MAP3K1: variants seen among roughly 807,000 people sequenced by gnomAD.
MAP3K1 encodes the protein mitogen-activated protein kinase kinase kinase 1.
In MAP3K1, 36 loss-of-function variants were observed where a neutral mutation model predicts 144.2. The ratio of observed to expected loss-of-function variants is 0.25; its 90% CI spans 0.19 to 0.33. MAP3K1 has a LOEUF of 0.33. MAP3K1 is among the 10% of genes least tolerant of loss of function. MAP3K1 has a pLI of 1.00. For synonymous variants in MAP3K1, 718 were observed against 688.7 expected (o/e 1.04, Z -0.67); for missense variants, 1,650 against 1,881.9 (o/e 0.88, Z 2.28).
chr5:56,827,954 G>A (rs1263381718), intron 1 of MAP3K1, among the ~76,000 whole-genome samples: 1 of 151,960 alleles, frequency 6.6e-6, no homozygotes, highest in African/African-American at 2.4e-5. Flanking sequence ...TGAATTTCTT[G>A]TCTCTAAAAT....
At chr5:56,875,483 T>G (rs896982460) in intron 10 of MAP3K1, among the ~76,000 whole-genome samples, 173 bp downstream of exon 10, 2 of 152,202 alleles carry the variant, frequency 1.3e-5, no homozygotes, top group Non-Finnish European at 2.9e-5. Flanking sequence ...TTATTTGAAT[T>G]TTACTGATTT....
Position 56,859,899 on chromosome 5 carries a change from G to C in MAP3K1, c.818G>C (p.Arg273Thr). Residue 273 changes from arginine to threonine, a missense_variant, in exon 3 of 20, where the codon AGA becomes ACA. By Grantham distance (71) the Arg-to-Thr change is moderately conservative (BLOSUM62 -1). Around this residue, in one of 6 missense-constraint regions of MAP3K1, gnomAD observed 148 missense variants for 177.2 expected, o/e 0.84. Transcript: ENST00000399503. ...GAATCTCCAGGAGTAAGGAGAAAAA[G>C]AGTTTCCCCAGTGCCTGTAAGTTAA... Reference protein sequence around the residue: ...KSESPGVRRKRVSPVPFQSGR... With the variant: ...KSESPGVRRKTVSPVPFQSGR... 1 of 1,612,546 alleles carries C rather than the reference G, an allele frequency of 6.2e-7. No homozygotes were observed. Among genetic ancestry groups the C allele is most frequent in the East Asian group, 2.2e-5 (1 of 44,818 alleles).
At chr5:56,844,249 A>G (rs1019232287) in intron 1 of MAP3K1, among the ~76,000 whole-genome samples, 2 of 123,772 alleles carry the variant, frequency 1.6e-5, no homozygotes, top group Non-Finnish European at 3.1e-5. Context: ...GAGGGATCTC[A>G]GCTCACTGCA....
At chr5:56,877,307 C>T (rs529329011) in intron 10 of MAP3K1, among the ~76,000 whole-genome samples, 14 of 152,046 alleles carry the variant, frequency 9.2e-5, no homozygotes, top group Admixed American at 6.6e-4. Context: ...TTGTACACAC[C>T]GTAACTGCCT....
intron 6 of MAP3K1, among the ~76,000 whole-genome samples, chr5:56,867,314 A>C (rs1275437144): frequency 1.3e-5 from 2 of 152,230 alleles, no homozygotes; most frequent in Non-Finnish European, 2.9e-5. Flanking sequence ...CTGTACATAC[A>C]TAGATAGATT....
chr5:56,881,542 T>C lies in MAP3K1; in HGVS notation c.2370-28T>C, dbSNP rs114561358. 20,298 of 1,533,350 alleles carry C rather than the reference T, an allele frequency of 0.013. 214 individuals are homozygous for C. The highest frequency in any genetic ancestry group is 0.014 in the Non-Finnish European group (15,290 of 1,108,234). The allele number at this position is 1,533,350 out of a possible 1,614,324, so 95.0% of individuals were successfully genotyped here. On this transcript the variant is annotated intron_variant, in intron 13 of 19. Coordinates refer to ENST00000399503, the MANE Select transcript of MAP3K1 (RefSeq NM_005921.2). ...TGTATTTTTCAGTAATTGGAACTTA[T>C]ATGGTAATGAATGTTTTTTTCTTTC...
chr5:56,884,182 G>T (rs912674544), intron 15 of MAP3K1, among the ~76,000 whole-genome samples: 3 of 152,124 alleles, frequency 2.0e-5, no homozygotes, highest in South Asian at 2.1e-4. Flanking sequence ...TATGATTATT[G>T]TAAGACTACA....
rs1175970492 is a variant in MAP3K1 at position 56,872,913 on chromosome 5, C to G, written c.1594C>G (p.Arg532Gly). 1.9e-6 allele frequency: 3 copies of G among 1,614,012 alleles called. No homozygotes were observed. Among genetic ancestry groups the G allele is most frequent in the Non-Finnish European group, 2.5e-6 (3 of 1,179,952 alleles). The change falls in exon 9 of 20, where the codon CGA (arginine) becomes GGA (glycine). Residue 532 changes from arginine (R) to glycine (G), a missense_variant. Arg to Gly is a moderately radical substitution (Grantham distance 125). This residue lies in a region of MAP3K1 where 841 missense variants were observed against 886.5 expected (regional missense o/e 0.95). Transcript: ENST00000399503. ...TVQQQPLAGS[R>G]RNQESNFNLT... Reference sequence around the variant, plus strand: ...ACAGCAGCAGCCTTTGGCTGGATCACGAAGGAATCAAGAGAGCAATTTTAA... The same window carrying G: ...ACAGCAGCAGCCTTTGGCTGGATCAGGAAGGAATCAAGAGAGCAATTTTAA...
intron 1 of MAP3K1, among the ~76,000 whole-genome samples, chr5:56,839,050 G>A (rs1232877328): frequency 1.3e-5 from 2 of 152,184 alleles, no homozygotes; most frequent in Non-Finnish European, 2.9e-5. Context: ...TGCAGAGATT[G>A]CTTGATCACA....
chr5:56,873,052 C>T (rs773765448), intron 9 of MAP3K1, 47 bp downstream of exon 9: 1 of 1,523,942 alleles, frequency 6.6e-7, no homozygotes, highest in Non-Finnish European at 9.0e-7. Context: ...ATTTATAGAT[C>T]AATTAATGTA....
chr5:56,880,671 C>G (rs368465666), intron 11 of MAP3K1, 40 bp from the exon 12 acceptor site: 747 of 1,381,692 alleles, frequency 5.4e-4, no homozygotes, highest in Non-Finnish European at 7.4e-4. Flanking sequence ...AGTGTTTTAG[C>G]CAAGATCCAG....
In MAP3K1 at chr5:56,864,785, T is replaced by G; in HGVS notation, c.886T>G (p.Phe296Val). The change falls in exon 4 of 20, where the codon TTC (phenylalanine) becomes GTC (valine). Residue 296 changes from phenylalanine (F) to valine (V), a missense_variant. Around this residue, in one of 6 missense-constraint regions of MAP3K1, gnomAD observed 148 missense variants for 177.2 expected, o/e 0.84. Transcript: ENST00000399503. ...CCGAAGAGCCCCTTCACCAGATGGC[T>G]TCTCACCATATAGCCCTGAGGAAAC... ...PPRRAPSPDG[F>V]SPYSPEETNR... The G allele has an allele frequency of 1.9e-6, 3 of 1,614,126 alleles. No homozygotes were observed. The highest frequency in any genetic ancestry group is 1.7e-6 in the Non-Finnish European group (2 of 1,180,020).
intron 1 of MAP3K1, among the ~76,000 whole-genome samples, chr5:56,821,548 T>G (rs1746153224): frequency 6.6e-6 from 1 of 152,164 alleles, no homozygotes; most frequent in Admixed American, 6.5e-5. Context: ...TGACAGATGT[T>G]ATCATTACTT....
At chr5:56,858,049 C>G (rs1347420214) in intron 2 of MAP3K1, among the ~76,000 whole-genome samples, 1 of 152,080 alleles carries the variant, frequency 6.6e-6, no homozygotes, top group East Asian at 1.9e-4. Context: ...CTATTCGTGC[C>G]AGAAGGTGAA....
intron 1 of MAP3K1, among the ~76,000 whole-genome samples, chr5:56,847,705 T>G (rs777829693): frequency 4.6e-5 from 7 of 152,232 alleles, no homozygotes; most frequent in Non-Finnish European, 1.0e-4. Context: ...TAAAATAATC[T>G]TGAATAGAGT....
chr5:56,821,481 G>A (rs1746151416), intron 1 of MAP3K1, among the ~76,000 whole-genome samples: 1 of 152,194 alleles, frequency 6.6e-6, no homozygotes, highest in African/African-American at 2.4e-5. Context: ...CATAATGATG[G>A]ATAGACATGG....
chr5:56,891,343 C>T (rs781547368), intron 19 of MAP3K1, among the ~76,000 whole-genome samples: 2 of 151,944 alleles, frequency 1.3e-5, no homozygotes, highest in Admixed American at 1.3e-4. Flanking sequence ...ATTTTTTAAC[C>T]CAAAGCATTT....
chr5:56,816,738 T>A (rs1745986883), intron 1 of MAP3K1, among the ~76,000 whole-genome samples: 1 of 152,204 alleles, frequency 6.6e-6, no homozygotes. Flanking sequence ...GGCTGCACAC[T>A]CGCGGAGGCT....
intron 16 of MAP3K1, 50 bp downstream of exon 16, chr5:56,884,876 C>A (rs2111955058): frequency 1.3e-6 from 2 of 1,555,776 alleles, no homozygotes; most frequent in Non-Finnish European, 1.8e-6. Flanking sequence ...ATTTAACTTT[C>A]TGCAATTTAG....
Sources: gnomAD v4.1 joint callset for allele counts (sites outside exome capture counted in the v4.1 genomes callset) on GRCh38, gnomAD v4.1.1 for gene constraint, gnomAD v4.1.1 regional missense constraint, MANE v1.5 for transcripts, NCBI Gene and HGNC (gene_info 2026-07-23, HGNC 2026-07-21) for gene names.